The following ADAM22 variants were observed in gnomAD, a reference collection of about 807,000 sequenced individuals.
ADAM22 encodes the protein ADAM metallopeptidase domain 22.
Under a neutral mutation model 144.6 loss-of-function variants are expected in ADAM22, and 65 were observed. The ratio of observed to expected loss-of-function variants is 0.45; its 90% CI spans 0.37 to 0.55. The LOEUF is 0.55. Among genes scored for constraint, ADAM22 ranks in the 20% least tolerant of loss-of-function variants. The pLI, the probability that ADAM22 is intolerant of heterozygous loss-of-function variation, is 0.00. For missense variants in ADAM22, 974 were observed against 1,184.9 expected (o/e 0.82, Z 2.61); for synonymous variants, 391 against 412.6 (o/e 0.95, Z 0.63).
chr7:88,072,422 C>T (rs1291870342), intron 3 of ADAM22, among the ~76,000 whole-genome samples: 1 of 152,170 alleles, frequency 6.6e-6, no homozygotes, highest in Non-Finnish European at 1.5e-5. Flanking sequence ...ACTATTCCTA[C>T]ACCACAGCTA....
intron 3 of ADAM22, among the ~76,000 whole-genome samples, chr7:88,015,588 A>C (rs996933926): frequency 6.6e-6 from 1 of 152,196 alleles, no homozygotes; most frequent in African/African-American, 2.4e-5. Context: ...GGAGATGGAA[A>C]CAGACCTCCA....
At chr7:88,008,902 TAATAATAATAAA>T (rs1794670908) in intron 3 of ADAM22, among the ~76,000 whole-genome samples, 2 of 118,048 alleles carry the variant, frequency 1.7e-5, no homozygotes, top group Non-Finnish European at 1.9e-5. Context: ...ATAATAATAA[TAATAATAATAAA>T]AAGAAAAAAA....
At chr7:88,070,795 A>G (rs1323177713) in intron 3 of ADAM22, among the ~76,000 whole-genome samples, 1 of 152,156 alleles carries the variant, frequency 6.6e-6, no homozygotes, top group Non-Finnish European at 1.5e-5. Context: ...TGGTTCAGAA[A>G]CAGGGGTGCT....
At chr7:88,016,633 T>C (rs1165627458) in intron 3 of ADAM22, among the ~76,000 whole-genome samples, 1 of 152,192 alleles carries the variant, frequency 6.6e-6, no homozygotes, top group Non-Finnish European at 1.5e-5. Context: ...AAGATTACCT[T>C]GCATCTCCTT....
chr7:88,045,476 G>C (rs1804393928), intron 3 of ADAM22, among the ~76,000 whole-genome samples: 1 of 151,976 alleles, frequency 6.6e-6, no homozygotes, highest in South Asian at 2.1e-4. Flanking sequence ...TTTGATGTAT[G>C]TACATACTGT....
chr7:88,092,796 T>G (rs1439284524), intron 4 of ADAM22, among the ~76,000 whole-genome samples: 1 of 152,244 alleles, frequency 6.6e-6, no homozygotes, highest in Non-Finnish European at 1.5e-5. Flanking sequence ...GAGGAAAATA[T>G]GTTGGCCCAT....
In ADAM22 at chr7:88,161,583, A is replaced by C. The variant is rs939049212; in HGVS notation, c.1908-1429A>C. The stretch of plus-strand genomic sequence containing the variant: ...TAAACTATACATTTGACAAAGGTCT[A>C]ATATCCAGCATCTATGAGGAACTTA... On this transcript the variant is annotated intron_variant, in intron 22 of 31. Coordinates refer to ENST00000413139, the MANE Select transcript of ADAM22 (RefSeq NM_001324418.2). 6.6e-5 allele frequency among the ~76,000 whole-genome samples: 10 copies of C among 152,298 alleles called. No homozygotes were observed. The East Asian group carries it at 1.9e-3, about 29-fold the overall frequency.
intron 22 of ADAM22, 54 bp downstream of exon 22, chr7:88,156,060 C>T: frequency 6.3e-7 from 1 of 1,596,952 alleles, no homozygotes; most frequent in Non-Finnish European, 8.6e-7. Context: ...CTCAGGAATG[C>T]AGTTTAGGAT....
intron 5 of ADAM22, among the ~76,000 whole-genome samples, chr7:88,109,470 C>T (rs757941974): frequency 1.3e-5 from 2 of 152,074 alleles, no homozygotes; most frequent in Non-Finnish European, 2.9e-5. Context: ...TACTTTTTGG[C>T]ACAGAACAAT....
intron 3 of ADAM22, among the ~76,000 whole-genome samples, chr7:87,996,535 G>C (rs1468284129): frequency 2.0e-5 from 3 of 152,160 alleles, no homozygotes; most frequent in African/African-American, 7.2e-5. Context: ...CACATTGGAG[G>C]TTAGGATTTC....
chr7:88,175,896 A>G (rs1464488852), intron 26 of ADAM22, among the ~76,000 whole-genome samples: 4 of 152,306 alleles, frequency 2.6e-5, no homozygotes, highest in South Asian at 4.1e-4. Context: ...TAGCTTTGTT[A>G]TGATATGTAA....
chr7:88,068,122 A>T (rs1312173847), intron 3 of ADAM22, among the ~76,000 whole-genome samples: 6 of 152,178 alleles, frequency 3.9e-5, no homozygotes. Flanking sequence ...TTCATTTTCT[A>T]TAGTGAGGAT....
At chr7:88,111,367 C>G (rs1825993573) in intron 5 of ADAM22, among the ~76,000 whole-genome samples, 1 of 101,002 alleles carries the variant, frequency 9.9e-6, no homozygotes, top group Admixed American at 1.3e-4. Flanking sequence ...CAAGTGCGTA[C>G]TGTTTTTTTT....
chr7:87,934,983 G>A (rs1202443462), intron 1 of ADAM22, 43 bp from the exon 2 acceptor site: 2 of 1,613,340 alleles, frequency 1.2e-6, no homozygotes, highest in Non-Finnish European at 1.7e-6. Context: ...CATTATTTTC[G>A]CCTTTTCTCT....
At chr7:88,005,016 G>A (rs1041938465) in intron 3 of ADAM22, among the ~76,000 whole-genome samples, 1 of 152,084 alleles carries the variant, frequency 6.6e-6, no homozygotes, top group Admixed American at 6.6e-5. Context: ...AGTGTGCTGG[G>A]CATAGAGGTG....
chr7:88,051,616 G>A (rs1329881612), intron 3 of ADAM22, among the ~76,000 whole-genome samples: 1 of 151,904 alleles, frequency 6.6e-6, no homozygotes, highest in African/African-American at 2.4e-5. Context: ...CGAGTTAGTG[G>A]GTGCAGCACA....
chr7:88,050,742 G>A (rs1379700512), intron 3 of ADAM22, among the ~76,000 whole-genome samples: 3 of 152,014 alleles, frequency 2.0e-5, no homozygotes, highest in Admixed American at 6.6e-5. Context: ...TAAGTTCTTT[G>A]TAGATTCTGG....
chr7:88,192,732 T>G (rs2129541065), intron 30 of ADAM22, among the ~76,000 whole-genome samples: 1 of 152,288 alleles, frequency 6.6e-6, no homozygotes, highest in East Asian at 1.9e-4. Context: ...ACTTAAACAT[T>G]TTTACATTAA....
chr7:87,981,860 A>G (rs1455878921), intron 3 of ADAM22, among the ~76,000 whole-genome samples: 1 of 108,484 alleles, frequency 9.2e-6, no homozygotes, highest in African/African-American at 4.2e-5. Flanking sequence ...TTAAATGATG[A>G]TGTTATGTGA....
Sources: allele counts gnomAD v4.1 joint callset (sites outside exome capture counted in the v4.1 genomes callset), GRCh38; gene constraint gnomAD v4.1.1; transcripts MANE v1.5; gene names NCBI Gene and HGNC (gene_info 2026-07-23, HGNC 2026-07-21).